KIRREL3: variants seen among roughly 807,000 people sequenced by gnomAD.
KIRREL3 encodes kin of IRRE-like protein 3.
In KIRREL3, 36 loss-of-function variants were observed where a neutral mutation model predicts 89.7. The ratio of observed to expected loss-of-function variants is 0.40; its 90% CI spans 0.31 to 0.53. KIRREL3 has a LOEUF of 0.53. KIRREL3 is among the 20% of genes least tolerant of loss of function. The pLI, the probability that KIRREL3 is intolerant of heterozygous loss-of-function variation, is 0.49. For missense variants in KIRREL3, 864 were observed against 1,056.6 expected, an observed-to-expected ratio of 0.82 and a Z score of 2.53; for synonymous variants, 445 against 441.4, an observed-to-expected ratio of 1.01 and a Z score of -0.10.
At chr11:126,826,334 ATTACTAG>A (rs1359052045) in intron 1 of KIRREL3, among the ~76,000 whole-genome samples, 1 of 152,184 alleles carries the variant, frequency 6.6e-6, no homozygotes. Context: ...GAATAAATGA[ATTACTAG>A]TCACAGATGT....
intron 1 of KIRREL3, among the ~76,000 whole-genome samples, chr11:126,741,265 A>G (rs1018841400): frequency 6.6e-6 from 1 of 152,198 alleles, no homozygotes; most frequent in Non-Finnish European, 1.5e-5. Flanking sequence ...CTGCTCACCC[A>G]TCACCTACCT....
intron 1 of KIRREL3, among the ~76,000 whole-genome samples, chr11:126,832,293 G>A (rs1270323070): frequency 1.3e-5 from 2 of 152,186 alleles, no homozygotes; most frequent in African/African-American, 4.8e-5. Context: ...GTAAGGCCAA[G>A]GGGTCAATGC....
Position 126,553,632 on chromosome 11 carries a change from C to T in KIRREL3, c.133+9203G>A, listed in dbSNP as rs1304208146. On this transcript the variant is annotated intron_variant, in intron 2 of 16. Coordinates refer to ENST00000525144, the MANE Select transcript of KIRREL3 (RefSeq NM_032531.4). The surrounding 1 kb of genome is among the most constrained non-coding windows in gnomAD (Gnocchi z 4.7). ...CTATCTGCGTGTCGATTCCCGTCACCTTCTGAACCTTGAAGGGAGTTCTTC... is the reference window on the plus strand; with the variant it reads ...CTATCTGCGTGTCGATTCCCGTCACTTTCTGAACCTTGAAGGGAGTTCTTC... Among the ~76,000 whole-genome samples, 1 of 152,200 alleles carries T rather than the reference C, an allele frequency of 6.6e-6. No homozygotes were observed. Among genetic ancestry groups the T allele is most frequent in the African/African-American group, 2.4e-5 (1 of 41,450 alleles).
intron 1 of KIRREL3, among the ~76,000 whole-genome samples, chr11:126,590,574 T>C (rs1183301544): frequency 6.6e-6 from 1 of 152,124 alleles, no homozygotes; most frequent in Non-Finnish European, 1.5e-5. Flanking sequence ...AAAGAGAACA[T>C]GGTCTCAGCT....
intron 2 of KIRREL3, among the ~76,000 whole-genome samples, chr11:126,536,835 G>A (rs1300586812): frequency 6.6e-6 from 1 of 152,092 alleles, no homozygotes; most frequent in Non-Finnish European, 1.5e-5. Context: ...AGTAGAGACA[G>A]GGTTTCACCA....
chr11:126,933,868 G>T (rs985786025), intron 1 of KIRREL3, among the ~76,000 whole-genome samples: 1 of 151,098 alleles, frequency 6.6e-6, no homozygotes, highest in Admixed American at 6.6e-5. Context: ...AAAATGTTAA[G>T]ATGACAATTC....
At position 126,703,322 on chromosome 11, in the gene KIRREL3, C is replaced by T. The variant is rs1332221316; in HGVS notation, c.56-140410G>A. Among the ~76,000 whole-genome samples the T allele has an allele frequency of 6.6e-6, 1 of 152,258 alleles. No homozygotes were observed. The highest frequency in any genetic ancestry group is 1.5e-5 in the Non-Finnish European group (1 of 68,044). On this transcript the variant is annotated intron_variant, in intron 1 of 16. Coordinates refer to ENST00000525144, the MANE Select transcript of KIRREL3 (RefSeq NM_032531.4). The surrounding 1 kb of genome is among the most constrained non-coding windows in gnomAD (Gnocchi z 4.6). ...AGGAATGGTGCTCCTGAGAGCTGTT[C>T]TCTGCAGCAGCTTTGCTCATGGGGC...
rs1942894035 is a variant in KIRREL3 at position 126,606,489 on chromosome 11, C to A, written c.56-43577G>T. On this transcript the variant is annotated intron_variant, in intron 1 of 16. Coordinates refer to ENST00000525144, the MANE Select transcript of KIRREL3 (RefSeq NM_032531.4). This position sits in a 1 kb window ranked among gnomAD's most constrained non-coding sequence, Gnocchi z 4.6. ...TTAAGAATTATTAAGTTGTCGATTT[C>A]ACAGGGCCATGGGGGAGGGAAGTCC... Among the ~76,000 whole-genome samples, 1 of 152,144 alleles carries A rather than the reference C, an allele frequency of 6.6e-6. No homozygotes were observed. The highest frequency in any genetic ancestry group is 1.9e-4 in the East Asian group (1 of 5,194).
chr11:126,607,262 C>A lies in KIRREL3; in HGVS notation c.56-44350G>T, dbSNP rs1222722649. On this transcript the variant is annotated intron_variant, in intron 1 of 16. Transcript: ENST00000525144. This position sits in a 1 kb window ranked among gnomAD's most constrained non-coding sequence, Gnocchi z 6.6. ...CCTCCTTGTACAGGAAGAAAAACTG[C>A]GGCCAGAGGGGCAAGGCGAGGAAGT... is the stretch of plus-strand genomic sequence containing the variant. Among the ~76,000 whole-genome samples, 1 of 152,206 alleles carries A rather than the reference C, an allele frequency of 6.6e-6. No individual in the cohort carries two copies. Among genetic ancestry groups the A allele is most frequent in the East Asian group, 1.9e-4 (1 of 5,182 alleles).
intron 1 of KIRREL3, among the ~76,000 whole-genome samples, chr11:126,649,720 C>A (rs1944834226): frequency 6.6e-6 from 1 of 152,196 alleles, no homozygotes; most frequent in Admixed American, 6.5e-5. Flanking sequence ...CATTGAGTGT[C>A]TGCGGCTCTT....
At chr11:126,560,354 G>A (rs560433857) in intron 2 of KIRREL3, among the ~76,000 whole-genome samples, 6 of 152,236 alleles carry the variant, frequency 3.9e-5, no homozygotes, top group African/African-American at 7.2e-5. Context: ...TTCTATCCAC[G>A]AAGCTATTAA....
Position 126,723,553 on chromosome 11 carries a change from C to G in KIRREL3, c.56-160641G>C, listed in dbSNP as rs1323020992. On this transcript the variant is annotated intron_variant, in intron 1 of 16. Coordinates refer to ENST00000525144, the MANE Select transcript of KIRREL3 (RefSeq NM_032531.4). This position sits in a 1 kb window ranked among gnomAD's most constrained non-coding sequence, Gnocchi z 4.0. ...GTAGGCAAGAAAGCATTTCCTAAAC[C>G]CTTCTCCTCTATGCTTTTAAAATAA... 6.6e-6 allele frequency among the ~76,000 whole-genome samples: 1 copy of G among 152,190 alleles called. No homozygotes were observed. Among genetic ancestry groups the G allele is most frequent in the African/African-American group, 2.4e-5 (1 of 41,444 alleles).
rs1218057491 is a variant in KIRREL3 at position 126,755,836 on chromosome 11, AG to A, written c.56-192925del. ...CTGCCATTCAGGCAGAGAGAGAGAGAGAGAGAGAGAGAGAGAGAGGGAGAGA... is the reference window on the plus strand; with the variant it reads ...CTGCCATTCAGGCAGAGAGAGAGAGAAGAGAGAGAGAGAGAGAGGGAGAGA... On this transcript the variant is annotated intron_variant, in intron 1 of 16. Coordinates refer to ENST00000525144, the MANE Select transcript of KIRREL3 (RefSeq NM_032531.4). The surrounding 1 kb of genome is among the most constrained non-coding windows in gnomAD (Gnocchi z 4.3). Among the ~76,000 whole-genome samples the A allele has an allele frequency of 2.4e-5, 2 of 84,506 alleles. No individual in the cohort carries two copies. The highest frequency in any genetic ancestry group is 5.3e-5 in the Non-Finnish European group (2 of 38,026). 55.4% of individuals were successfully genotyped at this position (84,506 alleles called of 152,430 possible).
At position 126,837,706 on chromosome 11, in the gene KIRREL3, G is replaced by T. The variant is rs1943828140; in HGVS notation, c.55+162749C>A. 6.6e-6 allele frequency among the ~76,000 whole-genome samples: 1 copy of T among 152,182 alleles called. No individual in the cohort carries two copies. The highest frequency in any genetic ancestry group is 2.1e-4 in the South Asian group (1 of 4,828). On this transcript the variant is annotated intron_variant, in intron 1 of 16. Transcript: ENST00000525144. The surrounding 1 kb of genome is among the most constrained non-coding windows in gnomAD (Gnocchi z 4.7). ...ATTTTACAAAAGATGTCAGTGGTCTGGCAACGGTACCTCAGTGACAAACTA... is the reference window on the plus strand; with the variant it reads ...ATTTTACAAAAGATGTCAGTGGTCTTGCAACGGTACCTCAGTGACAAACTA...
chr11:126,662,568 C>A (rs1387958835), intron 1 of KIRREL3, among the ~76,000 whole-genome samples: 3 of 152,294 alleles, frequency 2.0e-5, no homozygotes, highest in Non-Finnish European at 4.4e-5. Context: ...ACAAGTTAGC[C>A]AAACACTGCA....
At chr11:126,823,899 C>A (rs539958628) in intron 1 of KIRREL3, among the ~76,000 whole-genome samples, 9 of 152,102 alleles carry the variant, frequency 5.9e-5, no homozygotes, top group African/African-American at 2.4e-5. Flanking sequence ...TCCGGGAGGC[C>A]GGGGCAGGTG....
intron 1 of KIRREL3, among the ~76,000 whole-genome samples, chr11:126,827,866 C>T (rs1434500034): frequency 6.6e-6 from 1 of 152,088 alleles, no homozygotes; most frequent in Non-Finnish European, 1.5e-5. Context: ...GAGGGCACTG[C>T]CTTGTCATCT....
chr11:126,440,504 C>T lies in KIRREL3; in HGVS notation c.1298G>A (p.Gly433Asp). 6.2e-7 allele frequency: 1 copy of T among 1,601,934 alleles called. No homozygotes were observed. Among genetic ancestry groups the T allele is most frequent in the South Asian group, 1.1e-5 (1 of 88,290 alleles). The change falls in exon 11 of 17, where the codon GGC becomes GAC. Residue 433 changes from glycine (G) to aspartate (D), a missense_variant. Physicochemically the swap from Gly to Asp is moderately conservative, Grantham distance 94. Transcript: ENST00000525144. ...GAAGCACTTGATCTGGCCCTTCTCG[C>T]CGTGGAGGGCGTGCTGGGTCTGGGT... is the stretch of plus-strand genomic sequence containing the variant. ...SSTQTQHALH[G>D]EKGQIKCFIR...
rs1048629669 is a variant in KIRREL3 at position 126,431,817 on chromosome 11, G to A, written c.1589-291C>T. Among the ~76,000 whole-genome samples the A allele has an allele frequency of 1.3e-5, 2 of 152,166 alleles. No individual in the cohort carries two copies. Among genetic ancestry groups the A allele is most frequent in the African/African-American group, 2.4e-5 (1 of 41,442 alleles). On this transcript the variant is annotated intron_variant, in intron 13 of 16. Transcript: ENST00000525144. The surrounding 1 kb of genome is among the most constrained non-coding windows in gnomAD (Gnocchi z 7.1). ...AGGCAGGCAGACACGGAGAAGGGAG[G>A]GCCAGGGGACAGGAAGACCGGAGAT...
Sources: allele counts gnomAD v4.1 joint callset (sites outside exome capture counted in the v4.1 genomes callset), GRCh38; gene constraint gnomAD v4.1.1; non-coding constraint Gnocchi (gnomAD v3.1); transcripts MANE v1.5; gene names NCBI Gene and HGNC (gene_info 2026-07-23, HGNC 2026-07-21).